Variants in SIKE1 observed in about 807,000 individuals in gnomAD.
The protein encoded by SIKE1 is suppressor of IKK epsilon.
A neutral mutation model predicts 25.8 loss-of-function variants in SIKE1; 13 were observed. The observed-to-expected ratio is 0.50, with a 90% CI of 0.33 to 0.80. The LOEUF is 0.80. Among genes scored for constraint, SIKE1 ranks in the 30% least tolerant of loss-of-function variants. The pLI, the probability that SIKE1 is intolerant of heterozygous loss-of-function variation, is 0.02. For synonymous variants in SIKE1, 86 were observed against 95.5 expected (o/e 0.90, Z 0.58); for missense variants, 222 against 252.4 (o/e 0.88, Z 0.82).
Position 114,776,455 on chromosome 1 carries a change from A to G in SIKE1, c.413T>C (p.Ile138Thr), listed in dbSNP as rs1160970789. ...ACAGATTCTGTCAATCTGACTCTCA[A>G]TTTCCTGTGAAGATATTAAGGAAAC... ...LKAHQSHSAE[I>T]ESQIDRICEM... Residue 138 changes from isoleucine (I) to threonine (T), a missense_variant, in exon 4 of 5, where the codon ATT (isoleucine) becomes ACT (threonine). Coordinates refer to ENST00000060969, the MANE Select transcript of SIKE1 (RefSeq NM_025073.3). 6.2e-7 allele frequency: 1 copy of G among 1,603,194 alleles called. No homozygotes were observed. The highest frequency in any genetic ancestry group is 1.3e-5 in the African/African-American group (1 of 74,712).
In SIKE1 at chr1:114,770,100, A is replaced by C. The variant is rs1416041665; in HGVS notation, c.*4171T>G. The C allele has an allele frequency of 1.3e-5, 2 of 152,238 alleles. No individual in the cohort carries two copies. The highest frequency in any genetic ancestry group is 2.9e-5 in the Non-Finnish European group (2 of 68,054). 9.4% of individuals were successfully genotyped at this position (152,238 alleles called of 1,614,324 possible). A position where few individuals can be genotyped will look rare whatever the true frequency, so the allele number is the denominator to read the frequency against. On this transcript the variant is annotated 3_prime_UTR_variant, in exon 5 of 5. Coordinates refer to ENST00000060969, the MANE Select transcript of SIKE1 (RefSeq NM_025073.3). ...AGGATCTCTAGGACAGCCAGCAAAC[A>C]AGAATTAGAGGTTACAGGCCAGGCA...
Position 114,779,146 on chromosome 1 carries a change from G to A in SIKE1, c.404C>T (p.Ser135Phe). 1 of 1,614,156 alleles carries A rather than the reference G, an allele frequency of 6.2e-7. No homozygotes were observed. Among genetic ancestry groups the A allele is most frequent in the Non-Finnish European group, 8.5e-7 (1 of 1,180,012 alleles). The change falls in exon 3 of 5, where the codon TCT (serine) becomes TTT (phenylalanine). Residue 135 changes from serine to phenylalanine, a missense_variant. Transcript: ENST00000060969. ...EPVLKAHQSHSAEIESQIDRI... is the reference protein window; with the variant it reads ...EPVLKAHQSHFAEIESQIDRI... Reference sequence around the variant, plus strand: ...AATTTATTCAAAGTTTCTTACTGCAGAGTGAGACTGGTGAGCTTTCAGGAC... The same window carrying A: ...AATTTATTCAAAGTTTCTTACTGCAAAGTGAGACTGGTGAGCTTTCAGGAC...
rs941965670 is a variant in SIKE1, at chr1:114,769,666, T to G, written c.*4605A>C. The G allele has an allele frequency of 1.3e-5, 2 of 152,104 alleles. No individual in the cohort carries two copies. The highest frequency in any genetic ancestry group is 2.9e-5 in the Non-Finnish European group (2 of 68,006). 9.4% of individuals were successfully genotyped at this position (152,104 alleles called of 1,614,324 possible). ...TACATAGAGTATGATACAATTTTTT[T>G]GAAGTTCAAAAAGAAAGAAAACTAT... On this transcript the variant is annotated 3_prime_UTR_variant, in exon 5 of 5. Transcript: ENST00000060969.
At chr1:114,776,649 T>C in intron 3 of SIKE1, among the ~76,000 whole-genome samples, 190 bp from the exon 4 acceptor site, 1 of 72,152 alleles carries the variant, frequency 1.4e-5, no homozygotes, top group African/African-American at 9.7e-5. Context: ...TTCACGGATA[T>C]TTTTTTTTTT....
chr1:114,777,015 A>G (rs1435194985), intron 3 of SIKE1, among the ~76,000 whole-genome samples: 2 of 152,038 alleles, frequency 1.3e-5, no homozygotes, highest in Non-Finnish European at 2.9e-5. Context: ...AAAACCAAAC[A>G]CCGCATGTTC....
At chr1:114,778,952 G>T in intron 3 of SIKE1, 190 bp downstream of exon 3, 1 of 618,746 alleles carries the variant, frequency 1.6e-6, no homozygotes, top group Non-Finnish European at 2.8e-6. Flanking sequence ...AGCTGCTCCG[G>T]AGGCAGAGGT....
chr1:114,772,428 G>C lies in SIKE1; in HGVS notation c.*1843C>G, dbSNP rs1032901912. On this transcript the variant is annotated 3_prime_UTR_variant, in exon 5 of 5. Coordinates refer to ENST00000060969, the MANE Select transcript of SIKE1 (RefSeq NM_025073.3). The stretch of plus-strand genomic sequence containing the variant: ...CCAGCCAGAATTTATATTATGTAGA[G>C]CACTAAAAGCTTCTTAGACTTGTAC... The C allele has an allele frequency of 6.6e-6, 1 of 152,122 alleles. No homozygotes were observed. Among genetic ancestry groups the C allele is most frequent in the Non-Finnish European group, 1.5e-5 (1 of 68,014 alleles). 9.4% of individuals were successfully genotyped at this position (152,122 alleles called of 1,614,324 possible).
intron 3 of SIKE1, among the ~76,000 whole-genome samples, chr1:114,777,294 T>G (rs1662272603): frequency 6.6e-6 from 1 of 152,204 alleles, no homozygotes; most frequent in Non-Finnish European, 1.5e-5. Flanking sequence ...TCATTCCAGT[T>G]GTATATGTTC....
In SIKE1 at chr1:114,773,270, T is replaced by C. The variant is rs1324390494; in HGVS notation, c.*1001A>G. 1.3e-5 allele frequency: 2 copies of C among 151,488 alleles called. No individual in the cohort carries two copies. Among genetic ancestry groups the C allele is most frequent in the East Asian group, 3.9e-4 (2 of 5,180 alleles). The allele number at this position is 151,488 out of a possible 1,614,324, so 9.4% of individuals were successfully genotyped here. On this transcript the variant is annotated 3_prime_UTR_variant, in exon 5 of 5. Coordinates refer to ENST00000060969, the MANE Select transcript of SIKE1 (RefSeq NM_025073.3). The stretch of plus-strand genomic sequence containing the variant: ...TAACAAAACTGCTTCCTCACCTTTT[T>C]ATATAGCTTAAACAAAAAAAAAGAA...
rs1305114258 is a variant in SIKE1, at chr1:114,774,287, G to C, written c.608C>G (p.Ser203Cys). The C allele has an allele frequency of 1.9e-6, 3 of 1,611,152 alleles. No individual in the cohort carries two copies. In the Admixed American group the frequency reaches 5.0e-5, roughly 27 times the overall value. ...ARKENSMDTA[S>C]QAIK ...AGAGTTCAGTTATTTGATGGCTTGG[G>C]AAGCAGTGTCCATTGAGTTTTCCTT... The change falls in exon 5 of 5, where the codon TCC becomes TGC. Residue 203 changes from serine to cysteine, a missense_variant. Transcript: ENST00000060969.
At chr1:114,776,532 G>A (rs2101130370) in intron 3 of SIKE1, 73 bp from the exon 4 acceptor site, 4 of 956,128 alleles carry the variant, frequency 4.2e-6, no homozygotes, top group South Asian at 2.7e-5. Context: ...AAAAGCATGT[G>A]CATTACGATT....
intron 3 of SIKE1, among the ~76,000 whole-genome samples, chr1:114,776,685 G>A (rs1345992611): frequency 6.6e-6 from 1 of 150,644 alleles, no homozygotes; most frequent in Non-Finnish European, 1.5e-5. Flanking sequence ...AATTGTGGAA[G>A]ACAGTGTGGT....
intron 4 of SIKE1, 41 bp from the exon 5 acceptor site, chr1:114,774,413 G>A (rs1662156644): frequency 2.2e-6 from 3 of 1,353,294 alleles, no homozygotes; most frequent in African/African-American, 2.9e-5. Context: ...TATTTTTACT[G>A]TCCAACTGCA....
At chr1:114,774,930 T>G (rs937334970) in intron 4 of SIKE1, among the ~76,000 whole-genome samples, 2 of 152,204 alleles carry the variant, frequency 1.3e-5, no homozygotes, top group Non-Finnish European at 2.9e-5. Context: ...ATGAGGATAC[T>G]CTGGCTCACA....
intron 4 of SIKE1, 117 bp downstream of exon 4, chr1:114,776,229 T>G: frequency 1.5e-6 from 1 of 687,622 alleles, no homozygotes; most frequent in Non-Finnish European, 2.5e-6. Flanking sequence ...AGTTTTAATT[T>G]TAAATCATGA....
At chr1:114,777,109 G>C (rs1662264806) in intron 3 of SIKE1, among the ~76,000 whole-genome samples, 1 of 152,100 alleles carries the variant, frequency 6.6e-6, no homozygotes, top group Admixed American at 6.6e-5. Context: ...CATAGGGTTG[G>C]GGGAGTGGGG....
In SIKE1 at chr1:114,769,975, CT is replaced by C. The variant is rs1463804885; in HGVS notation, c.*4295del. 1.3e-5 allele frequency: 2 copies of C among 152,104 alleles called. No homozygotes were observed. Among genetic ancestry groups the C allele is most frequent in the African/African-American group, 4.8e-5 (2 of 41,418 alleles). 9.4% of individuals were successfully genotyped at this position (152,104 alleles called of 1,614,324 possible). ...AAAATTTATATCTGCATGGCTGTTC[CT>C]AAAACTATGCTTATTTTATCAAGCA... is the stretch of plus-strand genomic sequence containing the variant. On this transcript the variant is annotated 3_prime_UTR_variant, in exon 5 of 5. Coordinates refer to ENST00000060969, the MANE Select transcript of SIKE1 (RefSeq NM_025073.3).
At chr1:114,778,931 C>T (rs1662325860) in intron 3 of SIKE1, 2 of 581,146 alleles carry the variant, frequency 3.4e-6, no homozygotes, top group Non-Finnish European at 6.1e-6. Context: ...GTGGTGTGCA[C>T]CTGTAGTCCC....
Position 114,780,614 on chromosome 1 carries a change from A to C in SIKE1, c.-7T>G, listed in dbSNP as rs1345269851. The stretch of plus-strand genomic sequence containing the variant: ...TCTCGATGGTGCAGCTCATAGCAGC[A>C]GCACCACCCCAGCCCCTGCCGGGCT... On this transcript the variant is annotated 5_prime_UTR_variant, in exon 1 of 5. Transcript: ENST00000060969. 1.2e-6 allele frequency: 2 copies of C among 1,605,504 alleles called. No individual in the cohort carries two copies. The highest frequency in any genetic ancestry group is 1.7e-6 in the Non-Finnish European group (2 of 1,174,312).
Sources: allele counts gnomAD v4.1 joint callset (sites outside exome capture counted in the v4.1 genomes callset), GRCh38; gene constraint gnomAD v4.1.1; transcripts MANE v1.5; gene names NCBI Gene and HGNC (gene_info 2026-07-23, HGNC 2026-07-21).